Variants in TTLL9 observed in about 807,000 individuals in gnomAD.
The protein encoded by TTLL9 is probable tubulin polyglutamylase TTLL9.
TTLL9 carries 47 observed loss-of-function variants against 65.6 expected under a neutral mutation model. That is an observed-to-expected ratio of 0.72 (90% confidence interval 0.57 to 0.91). The LOEUF is 0.91. Ranked by LOEUF, TTLL9 falls within the 40% of genes least tolerant of loss-of-function variation. TTLL9 has a pLI of 0.00. For synonymous variants in TTLL9, 179 were observed against 204.8 expected, an observed-to-expected ratio of 0.87 and a Z score of 1.07; for missense variants, 537 against 568.8, an observed-to-expected ratio of 0.94 and a Z score of 0.57.
chr20:31,934,401 C>T (rs1331117095), intron 11 of TTLL9: 1 of 585,552 alleles, frequency 1.7e-6, no homozygotes, highest in Admixed American at 2.2e-5. Context: ...CCTTGGGATG[C>T]ACACATGGTC....
intron 10 of TTLL9, among the ~76,000 whole-genome samples, chr20:31,930,680 T>C (rs1239382200): frequency 6.6e-6 from 1 of 152,244 alleles, no homozygotes; most frequent in African/African-American, 2.4e-5. Context: ...GCTTGTCCAT[T>C]GGTTTACTTG....
intron 2 of TTLL9, among the ~76,000 whole-genome samples, chr20:31,873,850 AAG>A (rs2062998694): frequency 6.7e-6 from 1 of 149,474 alleles, no homozygotes; most frequent in African/African-American, 2.5e-5. Context: ...GAAAGAAAGA[AAG>A]AAAGAAAGAA....
chr20:31,933,987 C>A, intron 11 of TTLL9, 129 bp downstream of exon 11: 1 of 934,482 alleles, frequency 1.1e-6, no homozygotes. Context: ...GGCAGGCCTA[C>A]CCATCCCACT....
intron 6 of TTLL9, among the ~76,000 whole-genome samples, chr20:31,912,112 T>A (rs1404848922): frequency 6.6e-6 from 1 of 152,174 alleles, no homozygotes; most frequent in African/African-American, 2.4e-5. Flanking sequence ...GTTACACACG[T>A]TCGACACATG....
At chr20:31,921,230 C>T in intron 7 of TTLL9, among the ~76,000 whole-genome samples, 1 of 152,192 alleles carries the variant, frequency 6.6e-6, no homozygotes, top group East Asian at 1.9e-4. Context: ...AAATGCTCAT[C>T]ATCAGTGGCC....
intron 13 of TTLL9, among the ~76,000 whole-genome samples, chr20:31,938,477 C>A (rs1196855665): frequency 1.3e-5 from 2 of 152,178 alleles, no homozygotes. Flanking sequence ...CTGCTCTGTA[C>A]CAGGCCCTGT....
intron 2 of TTLL9, among the ~76,000 whole-genome samples, chr20:31,873,190 GC>G (rs1403565611): frequency 2.0e-5 from 3 of 152,156 alleles, no homozygotes; most frequent in African/African-American, 7.2e-5. Flanking sequence ...TTTTAGGATG[GC>G]CCCCAGGCTT....
At chr20:31,924,973 T>A in intron 8 of TTLL9, 36 bp from the exon 9 acceptor site, 1 of 1,606,028 alleles carries the variant, frequency 6.2e-7, no homozygotes, top group Non-Finnish European at 8.5e-7. Context: ...ACGATCAATA[T>A]TTGTTGCACA....
At chr20:31,884,841 A>G (rs2063166110) in intron 2 of TTLL9, among the ~76,000 whole-genome samples, 3 of 152,240 alleles carry the variant, frequency 2.0e-5, no homozygotes, top group Admixed American at 1.3e-4. Flanking sequence ...TTCCATCTGC[A>G]ATTTTAAATC....
intron 2 of TTLL9, among the ~76,000 whole-genome samples, chr20:31,871,692 C>T (rs777462320): frequency 1.3e-5 from 2 of 152,014 alleles, no homozygotes; most frequent in Non-Finnish European, 2.9e-5. Context: ...GCCCAGAGTT[C>T]TCATAAATAC....
chr20:31,888,711 C>G (rs1457629630), intron 3 of TTLL9, among the ~76,000 whole-genome samples: 2 of 152,102 alleles, frequency 1.3e-5, no homozygotes, highest in East Asian at 3.8e-4. Flanking sequence ...AAGCATGGCA[C>G]CAGCATCTGC....
Position 31,915,263 on chromosome 20 carries a change from C to T in TTLL9, c.505-4601C>T, listed in dbSNP as rs376999111. On this transcript the variant is annotated intron_variant, in intron 6 of 14. Coordinates refer to ENST00000535842, the MANE Select transcript of TTLL9 (RefSeq NM_001008409.5). ...TTGGGAGGCTGAGGCGGGCGGATCACGAGGTCAGGAGATCGAGACCATCCT... is the reference window on the plus strand; with the variant it reads ...TTGGGAGGCTGAGGCGGGCGGATCATGAGGTCAGGAGATCGAGACCATCCT... 3.9e-5 allele frequency among the ~76,000 whole-genome samples: 6 copies of T among 152,250 alleles called. 1 individual carries two copies. The highest frequency in any genetic ancestry group is 3.9e-4 in the East Asian group (2 of 5,176).
rs527570770 is a variant in TTLL9, at chr20:31,944,969, T to A, written c.*1948T>A. The stretch of plus-strand genomic sequence containing the variant: ...AGACTAGTTGCTGCTATTCATTCAT[T>A]CAGCTAACATTTATTGAGCCCTTAA... On this transcript the variant is annotated 3_prime_UTR_variant, in exon 15 of 15. Coordinates refer to ENST00000535842, the MANE Select transcript of TTLL9 (RefSeq NM_001008409.5). 1 of 152,344 alleles carries A rather than the reference T, an allele frequency of 6.6e-6. No homozygotes were observed. The highest frequency in any genetic ancestry group is 2.1e-4 in the South Asian group (1 of 4,826). 9.4% of individuals were successfully genotyped at this position (152,344 alleles called of 1,614,324 possible). A position where few individuals can be genotyped will look rare whatever the true frequency, so the allele number is the denominator to read the frequency against.
At chr20:31,887,855 C>CCTCTCCTCTT (rs1555807859) in intron 3 of TTLL9, among the ~76,000 whole-genome samples, 14 of 115,034 alleles carry the variant, frequency 1.2e-4, no homozygotes, top group African/African-American at 1.1e-4. Context: ...TATCTCCTCT[C>CCTCTCCTCTT]CTCTTCTCTT....
At chr20:31,890,611 A>G (rs1240193066) in intron 3 of TTLL9, among the ~76,000 whole-genome samples, 2 of 152,214 alleles carry the variant, frequency 1.3e-5, no homozygotes, top group Non-Finnish European at 2.9e-5. Flanking sequence ...AAGTGGGGAA[A>G]TAAGACAGCT....
intron 2 of TTLL9, among the ~76,000 whole-genome samples, chr20:31,876,809 T>C (rs531176653): frequency 3.3e-5 from 5 of 152,326 alleles, no homozygotes; most frequent in East Asian, 1.9e-4. Context: ...TCTGACCTCA[T>C]GAAAAACATT....
In TTLL9 at chr20:31,909,722, C is replaced by T. The variant is rs1443402695; in HGVS notation, c.319-15C>T. 6.2e-7 allele frequency: 1 copy of T among 1,611,008 alleles called. No individual in the cohort carries two copies. The highest frequency in any genetic ancestry group is 1.7e-5 in the Admixed American group (1 of 59,914). ...GAGCAGGAGCTAATGGCCGCCTGTC[C>T]TTCCCGCCACCCAGCTGACCCGGAA... is the stretch of plus-strand genomic sequence containing the variant. On this transcript the variant is annotated splice_polypyrimidine_tract_variant and intron_variant, in intron 5 of 14. Transcript: ENST00000535842.
chr20:31,918,112 AGTTTGGC>A (rs774652499), intron 6 of TTLL9, among the ~76,000 whole-genome samples: 5 of 151,874 alleles, frequency 3.3e-5, no homozygotes, highest in Non-Finnish European at 7.4e-5. Context: ...ATGAGGGCGA[AGTTTGGC>A]AGTTACCCAA....
chr20:31,930,800 AT>A (rs1190530563), intron 10 of TTLL9, among the ~76,000 whole-genome samples: 1 of 151,786 alleles, frequency 6.6e-6, no homozygotes, highest in Non-Finnish European at 1.5e-5. Flanking sequence ...ATTTATTTTG[AT>A]TGTATGTTTA....
Sources: gnomAD v4.1 joint callset for allele counts (sites outside exome capture counted in the v4.1 genomes callset) on GRCh38, gnomAD v4.1.1 for gene constraint, MANE v1.5 for transcripts, NCBI Gene and HGNC (gene_info 2026-07-23, HGNC 2026-07-21) for gene names.